Variants in TP53BP1 observed in about 807,000 individuals in gnomAD.
TP53BP1 encodes TP53-binding protein 1.
In TP53BP1, 61 loss-of-function variants were observed where a neutral mutation model predicts 200.8. That is an observed-to-expected ratio of 0.30 (90% CI 0.25 to 0.38). TP53BP1 has a LOEUF of 0.38. Among genes scored for constraint, TP53BP1 ranks in the 10% least tolerant of loss-of-function variants. TP53BP1 has a pLI of 1.00. For missense variants in TP53BP1, 2,144 were observed against 2,371.9 expected (o/e 0.90, Z 2.00); for synonymous variants, 822 against 844.3 (o/e 0.97, Z 0.46).
intron 1 of TP53BP1, among the ~76,000 whole-genome samples, chr15:43,505,591 A>C (rs2079231705): frequency 6.6e-6 from 1 of 152,222 alleles, no homozygotes; most frequent in African/African-American, 2.4e-5. Flanking sequence ...AATGCTCTGC[A>C]GGGGGAAGGT....
chr15:43,460,874 AC>A (rs993644700), intron 11 of TP53BP1, among the ~76,000 whole-genome samples: 16 of 151,892 alleles, frequency 1.1e-4, no homozygotes, highest in African/African-American at 3.4e-4. Context: ...AAAAAAAAAA[AC>A]ATTAGCTGAG....
chr15:43,495,763 GCAGAGATCGCGCCACTGCACTC>G (rs1566970792), upstream of TP53BP1, among the ~76,000 whole-genome samples: 1 of 150,366 alleles, frequency 6.7e-6, no homozygotes, highest in East Asian at 1.9e-4. Context: ...CTTGCAGTCA[GCAGAGATCGCGCCACTGCACTC>G]CAGCCTGGGT....
chr15:43,499,822 A>G (rs1252403635), intron 1 of TP53BP1, among the ~76,000 whole-genome samples: 1 of 152,236 alleles, frequency 6.6e-6, no homozygotes, highest in Non-Finnish European at 1.5e-5. Context: ...AGAGCAGTGT[A>G]TAAGGATGAG....
chr15:43,509,965 G>A (rs2079262953), intron 1 of TP53BP1, among the ~76,000 whole-genome samples: 1 of 152,182 alleles, frequency 6.6e-6, no homozygotes. Flanking sequence ...CTGGGTAAAA[G>A]ACTACTCTGG....
At chr15:43,460,138 G>C (rs915690123) in intron 11 of TP53BP1, among the ~76,000 whole-genome samples, 22 of 152,102 alleles carry the variant, frequency 1.4e-4, no homozygotes, top group Non-Finnish European at 4.4e-5. Context: ...TTTAAAAAGA[G>C]AAATTAATAC....
chr15:43,466,955 G>T (rs1195190455), intron 11 of TP53BP1, among the ~76,000 whole-genome samples: 1 of 152,146 alleles, frequency 6.6e-6, no homozygotes, highest in Non-Finnish European at 1.5e-5. Context: ...TGGGTAGGAA[G>T]AGGAAGAGGC....
intron 14 of TP53BP1, among the ~76,000 whole-genome samples, chr15:43,444,543 G>A (rs2143004150): frequency 6.6e-6 from 1 of 152,258 alleles, no homozygotes; most frequent in East Asian, 1.9e-4. Flanking sequence ...CAGACTTCCT[G>A]GATTTGTATC....
chr15:43,408,389 G>A (rs574921588), intron 26 of TP53BP1: 200 of 308,780 alleles, frequency 6.5e-4, no homozygotes, highest in Middle Eastern at 1.1e-3. Flanking sequence ...GCTGAGGTAG[G>A]GGGATCACTT....
intron 10 of TP53BP1, among the ~76,000 whole-genome samples, chr15:43,470,677 C>A (rs1595598285): frequency 6.6e-6 from 1 of 152,096 alleles, no homozygotes; most frequent in South Asian, 2.1e-4. Context: ...CACACACACA[C>A]AAAACACAAA....
chr15:43,454,779 T>C (rs1031992953), intron 12 of TP53BP1, among the ~76,000 whole-genome samples: 11 of 152,186 alleles, frequency 7.2e-5, no homozygotes, highest in African/African-American at 2.7e-4. Context: ...TTGCCCAGGC[T>C]GCAATGCAGT....
At chr15:43,498,800 T>C (rs1402429302) in intron 1 of TP53BP1, among the ~76,000 whole-genome samples, 1 of 151,990 alleles carries the variant, frequency 6.6e-6, no homozygotes, top group Non-Finnish European at 1.5e-5. Context: ...GGTTATTAAA[T>C]AAAAAATAAA....
chr15:43,478,879 A>G (rs2078920938), intron 7 of TP53BP1, among the ~76,000 whole-genome samples: 1 of 152,210 alleles, frequency 6.6e-6, no homozygotes, highest in African/African-American at 2.4e-5. Flanking sequence ...TGGCAACCAA[A>G]GATTACGGAG....
chr15:43,498,312 A>G (rs2079192024), intron 1 of TP53BP1, among the ~76,000 whole-genome samples: 1 of 152,242 alleles, frequency 6.6e-6, no homozygotes, highest in African/African-American at 2.4e-5. Flanking sequence ...TTTGCAGTGA[A>G]GAAACCTGGT....
chr15:43,489,018 T>C (rs994023134), intron 4 of TP53BP1, among the ~76,000 whole-genome samples: 26 of 152,244 alleles, frequency 1.7e-4, no homozygotes, highest in African/African-American at 6.0e-4. Flanking sequence ...ATACTGCACA[T>C]AGAAATGTGC....
rs747678419 is a variant in TP53BP1, at chr15:43,492,439, A to G, written c.37T>C (p.Leu13=). 169 of 1,613,942 alleles carry G rather than the reference A, an allele frequency of 1.0e-4. No individual in the cohort carries two copies. The East Asian group carries it at 1.8e-3, about 17-fold the overall frequency. Residue 13 remains leucine, a synonymous_variant, in exon 2 of 28, where the codon TTG becomes CTG. Transcript: ENST00000382044. The part of the protein sequence containing the change: ...GEQMDPTGSQ[L]DSDFSQQDTP... ...TCTTGCTGAGAGAAATCTGAATCCA[A>G]CTGACTTCCAGTAGGGTCCATCTGC...
chr15:43,507,620 T>C (rs1688925154), intron 1 of TP53BP1, among the ~76,000 whole-genome samples: 2 of 152,236 alleles, frequency 1.3e-5, no homozygotes, highest in Non-Finnish European at 2.9e-5. Context: ...TTTAATTTTT[T>C]ATTTAGCTTT....
At chr15:43,409,332 C>T in intron 25 of TP53BP1, 1 of 586,868 alleles carries the variant, frequency 1.7e-6, no homozygotes, top group Non-Finnish European at 3.0e-6. Context: ...AACGGACAAC[C>T]AAAACCTATG....
intron 12 of TP53BP1, among the ~76,000 whole-genome samples, chr15:43,454,578 G>C (rs2046250310): frequency 6.6e-6 from 1 of 151,914 alleles, no homozygotes; most frequent in South Asian, 2.1e-4. Context: ...GGTCAGGCTA[G>C]TCTCAAACTT....
At position 43,492,801 on chromosome 15, in the gene TP53BP1, C is replaced by A. The variant is rs940155504; in HGVS notation, c.7+236G>T. Reference sequence around the variant, plus strand: ...GTCCTTCTGGCGCCTCTACCTCCCCCCAAAAGAATGTTTTCTAAAATCTGT... The same window carrying A: ...GTCCTTCTGGCGCCTCTACCTCCCCACAAAAGAATGTTTTCTAAAATCTGT... On this transcript the variant is annotated intron_variant, in intron 1 of 27. Coordinates refer to ENST00000382044, the MANE Select transcript of TP53BP1 (RefSeq NM_001141980.3). 3.3e-5 allele frequency among the ~76,000 whole-genome samples: 5 copies of A among 150,790 alleles called. No homozygotes were observed. The South Asian group carries it at 8.5e-4, about 26-fold the overall frequency.
Sources: allele counts gnomAD v4.1 joint callset (sites outside exome capture counted in the v4.1 genomes callset), GRCh38; gene constraint gnomAD v4.1.1; transcripts MANE v1.5; gene names NCBI Gene and HGNC (gene_info 2026-07-23, HGNC 2026-07-21).